Variants in CNTN1 observed in about 807,000 individuals in gnomAD.
CNTN1 encodes contactin-1.
A neutral mutation model predicts 126.4 loss-of-function variants in CNTN1; 38 were observed. The ratio of observed to expected loss-of-function variants is 0.30; its 90% CI spans 0.23 to 0.39. The LOEUF is 0.39. CNTN1 is among the 10% of genes least tolerant of loss of function. CNTN1 has a pLI of 1.00. For synonymous variants in CNTN1, 413 were observed against 422.6 expected (o/e 0.98, Z 0.28); for missense variants, 1,009 against 1,248.4 (o/e 0.81, Z 2.89).
chr12:40,906,385 A>AT (rs201918401), intron 1 of CNTN1, among the ~76,000 whole-genome samples: 494 of 152,286 alleles, frequency 3.2e-3, no homozygotes, highest in African/African-American at 0.011. Flanking sequence ...TCAGGCTTAT[A>AT]TATATTAAAA....
At chr12:40,838,184 A>G (rs1047325723) in intron 1 of CNTN1, among the ~76,000 whole-genome samples, 1 of 152,188 alleles carries the variant, frequency 6.6e-6, no homozygotes, top group Admixed American at 6.5e-5. Context: ...CCACTCTGGA[A>G]CCAGAGCACT....
chr12:40,815,669 A>G (rs1054140743), intron 1 of CNTN1, among the ~76,000 whole-genome samples: 1 of 152,186 alleles, frequency 6.6e-6, no homozygotes, highest in African/African-American at 2.4e-5. Flanking sequence ...TGCCCTGGCC[A>G]GAACTTCCAA....
chr12:41,006,344 T>A (rs1341531565), intron 17 of CNTN1, among the ~76,000 whole-genome samples: 1 of 152,198 alleles, frequency 6.6e-6, no homozygotes, highest in Non-Finnish European at 1.5e-5. Flanking sequence ...TGCTGGGGTA[T>A]CTGCCTCCCT....
At chr12:40,850,165 T>C (rs562941335) in intron 1 of CNTN1, among the ~76,000 whole-genome samples, 1 of 152,242 alleles carries the variant, frequency 6.6e-6, no homozygotes, top group East Asian at 1.9e-4. Context: ...AATTTGCTAA[T>C]TTTTCCTGAA....
At chr12:40,995,357 T>C (rs1366705688) in intron 17 of CNTN1, among the ~76,000 whole-genome samples, 1 of 152,046 alleles carries the variant, frequency 6.6e-6, no homozygotes, top group Non-Finnish European at 1.5e-5. Flanking sequence ...TCTAAAACAC[T>C]GAAGTTTGGC....
chr12:40,826,854 A>G (rs1005496162), intron 1 of CNTN1, among the ~76,000 whole-genome samples: 1 of 152,164 alleles, frequency 6.6e-6, no homozygotes, highest in Non-Finnish European at 1.5e-5. Context: ...AATGACATAG[A>G]AATATGAATT....
At chr12:40,748,255 TGAA>T in intron 1 of CNTN1, among the ~76,000 whole-genome samples, 1 of 152,090 alleles carries the variant, frequency 6.6e-6, no homozygotes, top group South Asian at 2.1e-4. Flanking sequence ...TCTGTAGGGT[TGAA>T]GAAGGTAGAA....
intron 23 of CNTN1, among the ~76,000 whole-genome samples, chr12:41,056,327 G>T (rs577322069): frequency 1.4e-4 from 21 of 152,172 alleles, no homozygotes; most frequent in African/African-American, 4.6e-4. Flanking sequence ...TATGTAACTT[G>T]TCCAAAGTCC....
At chr12:40,858,943 TAGGGA>T (rs777606702) in intron 1 of CNTN1, among the ~76,000 whole-genome samples, 133 of 151,018 alleles carry the variant, frequency 8.8e-4, no homozygotes, top group South Asian at 1.3e-3. Flanking sequence ...CACACGGACA[TAGGGA>T]GGGGAACAAC....
At chr12:41,003,449 G>A (rs1948414962) in intron 17 of CNTN1, among the ~76,000 whole-genome samples, 1 of 152,064 alleles carries the variant, frequency 6.6e-6, no homozygotes, top group Non-Finnish European at 1.5e-5. Context: ...TCAGGATGAT[G>A]CTAGTCTCAT....
At chr12:41,021,868 G>A (rs1040760160) in intron 20 of CNTN1, among the ~76,000 whole-genome samples, 4 of 152,014 alleles carry the variant, frequency 2.6e-5, no homozygotes, top group Non-Finnish European at 4.4e-5. Context: ...TAATAAATAC[G>A]CCTGAGGTAT....
intron 1 of CNTN1, among the ~76,000 whole-genome samples, chr12:40,706,432 A>G (rs897473913): frequency 3.9e-5 from 6 of 151,990 alleles, no homozygotes; most frequent in African/African-American, 1.2e-4. Context: ...TTCCTAGTGT[A>G]TCTTGTATAA....
intron 1 of CNTN1, among the ~76,000 whole-genome samples, chr12:40,788,566 G>A (rs1310515473): frequency 1.3e-5 from 2 of 152,022 alleles, no homozygotes; most frequent in Non-Finnish European, 2.9e-5. Context: ...AGAGGTTCCG[G>A]TAGCATTAAA....
intron 23 of CNTN1, among the ~76,000 whole-genome samples, chr12:41,034,264 AT>A (rs1487689097): frequency 6.6e-6 from 1 of 152,172 alleles, no homozygotes; most frequent in African/African-American, 2.4e-5. Context: ...TTAACCTAAT[AT>A]TTTTGTTAAC....
At chr12:40,885,622 G>A (rs938609495) in intron 1 of CNTN1, among the ~76,000 whole-genome samples, 6 of 151,978 alleles carry the variant, frequency 3.9e-5, no homozygotes, top group Admixed American at 3.9e-4. Flanking sequence ...GAACTCCAAT[G>A]AGAATTAAAT....
intron 16 of CNTN1, among the ~76,000 whole-genome samples, chr12:40,988,722 AAAGT>A (rs1285464723): frequency 6.6e-6 from 1 of 152,216 alleles, no homozygotes; most frequent in Non-Finnish European, 1.5e-5. Context: ...CCTAAGTACT[AAAGT>A]AAGAACTAAG....
intron 1 of CNTN1, among the ~76,000 whole-genome samples, chr12:40,748,157 A>C (rs1241295813): frequency 6.6e-6 from 1 of 152,140 alleles, no homozygotes; most frequent in African/African-American, 2.4e-5. Context: ...TTACTGGGGA[A>C]TAAAATAATA....
At chr12:40,886,169 G>A (rs1021315035) in intron 1 of CNTN1, among the ~76,000 whole-genome samples, 1 of 151,680 alleles carries the variant, frequency 6.6e-6, no homozygotes, top group Admixed American at 6.6e-5. Context: ...TTTGATTGTT[G>A]TAAATACAAT....
At chr12:41,001,641 CTTT>C (rs1240130266) in intron 17 of CNTN1, among the ~76,000 whole-genome samples, 2 of 152,112 alleles carry the variant, frequency 1.3e-5, no homozygotes, top group Non-Finnish European at 2.9e-5. Flanking sequence ...GTTACAATTG[CTTT>C]TGGCATCTTC....
Sources: allele counts gnomAD v4.1 joint callset (sites outside exome capture counted in the v4.1 genomes callset), GRCh38; gene constraint gnomAD v4.1.1; transcripts MANE v1.5; gene names NCBI Gene and HGNC (gene_info 2026-07-23, HGNC 2026-07-21).